Variants in HDAC9 observed in about 807,000 individuals in gnomAD.
HDAC9 encodes histone deacetylase 9.
In HDAC9, 41 loss-of-function variants were observed where a neutral mutation model predicts 139.4. The ratio of observed to expected loss-of-function variants is 0.29; its 90% CI spans 0.23 to 0.38. The LOEUF (loss-of-function observed/expected upper bound fraction) is 0.38. Among genes scored for constraint, HDAC9 ranks in the 10% least tolerant of loss-of-function variants. HDAC9 has a pLI of 1.00. For synonymous variants in HDAC9, 517 were observed against 476.2 expected (o/e 1.09, Z -1.12); for missense variants, 1,147 against 1,297.0 (o/e 0.88, Z 1.78).
intron 1 of HDAC9, among the ~76,000 whole-genome samples, chr7:18,295,881 G>A (rs554237411): frequency 3.9e-5 from 6 of 152,256 alleles, no homozygotes; most frequent in African/African-American, 1.4e-4. Flanking sequence ...TAATGCACCA[G>A]ACAACCCCCC....
intron 1 of HDAC9, among the ~76,000 whole-genome samples, chr7:18,482,050 A>G (rs764895550): frequency 1.3e-5 from 2 of 152,136 alleles, no homozygotes; most frequent in East Asian, 1.9e-4. Flanking sequence ...TCAATTGCCT[A>G]TCGCCACATC....
intron 7 of HDAC9, among the ~76,000 whole-genome samples, chr7:18,631,382 T>C (rs892237994): frequency 1.3e-5 from 2 of 152,040 alleles, no homozygotes; most frequent in Non-Finnish European, 2.9e-5. Context: ...ACTCGAAATG[T>C]CTTTGGAGGC....
At chr7:18,822,394 G>A (rs974148198) in intron 17 of HDAC9, among the ~76,000 whole-genome samples, 11 of 152,000 alleles carry the variant, frequency 7.2e-5, no homozygotes, top group African/African-American at 2.7e-4. Flanking sequence ...CACTCTTGTC[G>A]CCCAGGCTGG....
intron 2 of HDAC9, among the ~76,000 whole-genome samples, chr7:18,253,878 T>C (rs887719112): frequency 6.6e-6 from 1 of 152,202 alleles, no homozygotes; most frequent in Non-Finnish European, 1.5e-5. Flanking sequence ...CTGGAGGTGC[T>C]AGCCATCACC....
At chr7:18,315,624 A>G (rs971770624) in intron 1 of HDAC9, among the ~76,000 whole-genome samples, 1 of 152,248 alleles carries the variant, frequency 6.6e-6, no homozygotes, top group African/African-American at 2.4e-5. Flanking sequence ...ATTTTGATGT[A>G]AGTATTCACA....
At chr7:18,992,376 CTGAG>C (rs887121729) in intron 25 of HDAC9, among the ~76,000 whole-genome samples, 64 of 151,914 alleles carry the variant, frequency 4.2e-4, no homozygotes, top group African/African-American at 1.4e-3. Flanking sequence ...AAATACAGTA[CTGAG>C]TGAGAAAATT....
intron 1 of HDAC9, among the ~76,000 whole-genome samples, chr7:18,365,390 T>C (rs1025143165): frequency 1.1e-4 from 16 of 152,226 alleles, no homozygotes; most frequent in Admixed American, 1.0e-3. Flanking sequence ...CCTGGCATTA[T>C]AATTAGGGAG....
intron 2 of HDAC9, among the ~76,000 whole-genome samples, chr7:18,569,055 T>A (rs975574895): frequency 1.5e-4 from 22 of 151,644 alleles, no homozygotes; most frequent in African/African-American, 4.4e-4. Flanking sequence ...CTCAAAAAAA[T>A]AAATAAATAA....
At chr7:18,588,249 G>A (rs1264621057) in intron 3 of HDAC9, among the ~76,000 whole-genome samples, 4 of 152,134 alleles carry the variant, frequency 2.6e-5, no homozygotes, top group East Asian at 1.9e-4. Context: ...AAAATCAAGA[G>A]TTTTAGGCAC....
At chr7:18,648,193 C>T (rs1788035456) in intron 10 of HDAC9, among the ~76,000 whole-genome samples, 195 bp downstream of exon 10, 1 of 152,056 alleles carries the variant, frequency 6.6e-6, no homozygotes, top group African/African-American at 2.4e-5. Flanking sequence ...GGAGGACTCA[C>T]CTCATTTAAC....
chr7:18,456,510 C>T (rs915572301), intron 1 of HDAC9, among the ~76,000 whole-genome samples: 19 of 152,140 alleles, frequency 1.2e-4, no homozygotes, highest in Admixed American at 3.3e-4. Flanking sequence ...GCTGGGATTA[C>T]AGGTGGTAGC....
At chr7:18,366,667 A>AT (rs1429170410) in intron 1 of HDAC9, among the ~76,000 whole-genome samples, 3 of 152,010 alleles carry the variant, frequency 2.0e-5, no homozygotes, top group Non-Finnish European at 2.9e-5. Flanking sequence ...GACAGATGAC[A>AT]TTTTTTTGGC....
intron 12 of HDAC9, among the ~76,000 whole-genome samples, chr7:18,691,219 C>A (rs1782649815): frequency 6.6e-6 from 1 of 151,896 alleles, no homozygotes; most frequent in Non-Finnish European, 1.5e-5. Context: ...TTTGTGCACT[C>A]AAGTTTATGT....
intron 12 of HDAC9, among the ~76,000 whole-genome samples, chr7:18,682,633 A>G (rs1199591108): frequency 6.6e-6 from 1 of 151,854 alleles, no homozygotes; most frequent in African/African-American, 2.4e-5. Flanking sequence ...TTTTTTCACT[A>G]TTGATGTTTT....
At chr7:18,320,424 T>C (rs1799945306) in intron 1 of HDAC9, among the ~76,000 whole-genome samples, 1 of 152,176 alleles carries the variant, frequency 6.6e-6, no homozygotes, top group African/African-American at 2.4e-5. Flanking sequence ...TAAAATCCTT[T>C]GTACCGGCTC....
chr7:18,397,087 A>G (rs550902423), intron 1 of HDAC9, among the ~76,000 whole-genome samples: 1 of 152,238 alleles, frequency 6.6e-6, no homozygotes, highest in East Asian at 1.9e-4. Context: ...TATTGAGAGA[A>G]TAGATTTAGG....
intron 2 of HDAC9, among the ~76,000 whole-genome samples, chr7:18,259,715 A>C (rs1795520089): frequency 6.6e-6 from 1 of 152,212 alleles, no homozygotes; most frequent in African/African-American, 2.4e-5. Flanking sequence ...TGAAGTGTTT[A>C]GCACACAGCA....
intron 1 of HDAC9, among the ~76,000 whole-genome samples, chr7:18,371,246 CA>C: frequency 6.6e-6 from 1 of 152,144 alleles, no homozygotes; most frequent in Non-Finnish European, 1.5e-5. Context: ...CCTTCAAAAA[CA>C]ACTTTAATGT....
At chr7:18,107,302 A>C (rs534479702) in intron 1 of HDAC9, among the ~76,000 whole-genome samples, 1 of 152,210 alleles carries the variant, frequency 6.6e-6, no homozygotes, top group Non-Finnish European at 1.5e-5. Flanking sequence ...TTCATTAAAA[A>C]AATCTTTACA....
Sources: gnomAD v4.1 joint callset for allele counts (sites outside exome capture counted in the v4.1 genomes callset) on GRCh38, gnomAD v4.1.1 for gene constraint, MANE v1.5 for transcripts, NCBI Gene and HGNC (gene_info 2026-07-23, HGNC 2026-07-21) for gene names.